Variants in DNAH8 observed in about 807,000 individuals in gnomAD.
The protein encoded by DNAH8 is axonemal beta dynein heavy chain 8.
DNAH8 carries 382 observed loss-of-function variants against 562.1 expected under a neutral mutation model. That is an observed-to-expected ratio of 0.68 (90% CI 0.63 to 0.74). The LOEUF is 0.74. DNAH8 is among the 30% of genes least tolerant of loss of function. The probability of loss-of-function intolerance (pLI) is 0.00; values close to 1 mark genes in which losing one functional copy is unlikely to be tolerated. For synonymous variants in DNAH8, 1,881 were observed against 1,919.4 expected (o/e 0.98, Z 0.52); for missense variants, 5,203 against 5,620.4 (o/e 0.93, Z 2.37).
intron 82 of DNAH8, among the ~76,000 whole-genome samples, chr6:38,959,202 C>G (rs145444838): frequency 6.6e-6 from 1 of 152,110 alleles, no homozygotes. Context: ...AAAGCTTTTC[C>G]TCTAAAATTA....
chr6:38,770,421 T>C lies in DNAH8; in HGVS notation c.1626T>C (p.Ile542=), dbSNP rs768762644. 1 of 1,579,094 alleles carries C rather than the reference T, an allele frequency of 6.3e-7. No individual in the cohort carries two copies. The highest frequency in any genetic ancestry group is 1.9e-5 in the Admixed American group (1 of 53,054). The change falls in exon 12 of 93, where the codon ATT becomes ATC. Residue 542 remains isoleucine, a synonymous_variant. Transcript: ENST00000327475. ...PVVLKKIQDC[I]FLFKEYQASF... ...TTTTACTTTTCTCATAGGACTGCATTTTTCTATTCAAGGAATATCAGGCAT... is the reference window on the plus strand; with the variant it reads ...TTTTACTTTTCTCATAGGACTGCATCTTTCTATTCAAGGAATATCAGGCAT...
chr6:38,944,792 T>A (rs1431993189), intron 79 of DNAH8, among the ~76,000 whole-genome samples: 2 of 152,178 alleles, frequency 1.3e-5, no homozygotes, highest in Admixed American at 6.5e-5. Flanking sequence ...TGGAGGGCGC[T>A]CAATAAATAT....
chr6:38,815,396 T>G, intron 25 of DNAH8, 72 bp from the exon 26 acceptor site: 20 of 1,239,396 alleles, frequency 1.6e-5, no homozygotes, highest in Non-Finnish European at 2.1e-5. Context: ...CAGTGGGGAA[T>G]GGAGGTGGTG....
Position 38,723,455 on chromosome 6 carries a change from T to C in DNAH8, c.509T>C (p.Ile170Thr). The change falls in exon 3 of 93, where the codon ATT becomes ACT. Residue 170 changes from isoleucine to threonine, a missense_variant. Transcript: ENST00000327475. The part of the protein sequence containing the change: ...GLDIVTVEEL[I>T]LDCPSLEAFT... Reference sequence around the variant, plus strand: ...GACATAGTAACTGTTGAAGAATTAATTTTGGATTGCCCATCTGTAAGTTTA... The same window carrying C: ...GACATAGTAACTGTTGAAGAATTAACTTTGGATTGCCCATCTGTAAGTTTA... 1.2e-6 allele frequency: 2 copies of C among 1,607,106 alleles called. No individual in the cohort carries two copies. The highest frequency in any genetic ancestry group is 8.5e-7 in the Non-Finnish European group (1 of 1,178,690).
chr6:38,823,449 C>T, intron 27 of DNAH8, 113 bp from the exon 28 acceptor site: 1 of 754,100 alleles, frequency 1.3e-6, no homozygotes, highest in East Asian at 2.5e-5. Context: ...CAGCCACTGG[C>T]CCCATTGCAC....
chr6:38,881,793 C>T (rs1187892532), intron 53 of DNAH8, among the ~76,000 whole-genome samples: 1 of 152,128 alleles, frequency 6.6e-6, no homozygotes, highest in Non-Finnish European at 1.5e-5. Flanking sequence ...TCAGCTGATC[C>T]ACCCACCTCA....
intron 12 of DNAH8, among the ~76,000 whole-genome samples, chr6:38,772,924 G>A (rs1334235147): frequency 6.7e-6 from 1 of 148,768 alleles, no homozygotes; most frequent in Non-Finnish European, 1.5e-5. Context: ...TCAGCCTTCT[G>A]AGTAGCTGGG....
At chr6:38,828,709 A>G (rs753699326) in intron 30 of DNAH8, among the ~76,000 whole-genome samples, 1 of 152,216 alleles carries the variant, frequency 6.6e-6, no homozygotes, top group African/African-American at 2.4e-5. Context: ...GTGAGACTGT[A>G]AATTATTTTA....
chr6:38,831,908 AT>A (rs35886137), intron 30 of DNAH8, among the ~76,000 whole-genome samples: 32,109 of 151,436 alleles, frequency 0.21, 4,264 homozygotes, highest in African/African-American at 0.37. Context: ...GGTATTTGCT[AT>A]TTTTTTTTAA....
rs561874098 is a variant in DNAH8 at position 38,824,897 on chromosome 6, G to A, written c.3847+1209G>A. Among the ~76,000 whole-genome samples the A allele has an allele frequency of 5.3e-5, 8 of 152,194 alleles. No individual in the cohort carries two copies. The South Asian group carries it at 1.7e-3, about 32-fold the overall frequency. ...AGTACTTAAGGGGGACTATTTACCT[G>A]GAAATCAGAAACTATGCATCAGTGG... On this transcript the variant is annotated intron_variant, in intron 28 of 92. Coordinates refer to ENST00000327475, the MANE Select transcript of DNAH8 (RefSeq NM_001206927.2).
intron 36 of DNAH8, among the ~76,000 whole-genome samples, chr6:38,846,503 G>T (rs1035273612): frequency 6.6e-6 from 1 of 152,158 alleles, no homozygotes; most frequent in Non-Finnish European, 1.5e-5. Flanking sequence ...TGGGATCACT[G>T]GTTAGTGAGT....
intron 17 of DNAH8, among the ~76,000 whole-genome samples, chr6:38,784,575 A>G (rs1768962306): frequency 6.6e-6 from 1 of 152,172 alleles, no homozygotes; most frequent in Non-Finnish European, 1.5e-5. Flanking sequence ...TACACCTTCC[A>G]AGGTTACCCT....
chr6:39,022,609 G>A (rs1241661981), intron 91 of DNAH8, among the ~76,000 whole-genome samples: 2 of 152,234 alleles, frequency 1.3e-5, no homozygotes, highest in African/African-American at 2.4e-5. Flanking sequence ...TGTCCCACCT[G>A]GGGGTGCCCT....
At chr6:38,806,792 A>G (rs971447783) in intron 23 of DNAH8, among the ~76,000 whole-genome samples, 2 of 76,392 alleles carry the variant, frequency 2.6e-5, no homozygotes, top group South Asian at 4.5e-4. Flanking sequence ...AAAAAAAAAT[A>G]ATAATAATAA....
At chr6:38,916,784 G>C (rs1467810012) in intron 68 of DNAH8, among the ~76,000 whole-genome samples, 1 of 152,112 alleles carries the variant, frequency 6.6e-6, no homozygotes, top group African/African-American at 2.4e-5. Flanking sequence ...GTTTTTATGA[G>C]CCATATATTA....
At chr6:38,766,384 A>G (rs917369772) in intron 11 of DNAH8, among the ~76,000 whole-genome samples, 3 of 152,214 alleles carry the variant, frequency 2.0e-5, no homozygotes, top group Admixed American at 6.5e-5. Context: ...GAGGGATGGC[A>G]CAATGACGAG....
At chr6:38,983,473 T>C (rs1171524198) in intron 86 of DNAH8, among the ~76,000 whole-genome samples, 4 of 152,256 alleles carry the variant, frequency 2.6e-5, no homozygotes, top group Non-Finnish European at 4.4e-5. Flanking sequence ...GTTCATATTC[T>C]GTGGTCATTT....
chr6:38,883,214 T>C, intron 54 of DNAH8, 108 bp from the exon 55 acceptor site: 1 of 1,375,276 alleles, frequency 7.3e-7, no homozygotes, highest in Non-Finnish European at 9.8e-7. Context: ...TAAAAAGTTA[T>C]TAAAAATTAG....
At chr6:38,904,706 C>T (rs1473641162) in intron 62 of DNAH8, among the ~76,000 whole-genome samples, 2 of 148,734 alleles carry the variant, frequency 1.3e-5, no homozygotes, top group South Asian at 2.1e-4. Context: ...GCAGGAGAAT[C>T]GCTTGTACCC....
Sources: allele counts gnomAD v4.1 joint callset (sites outside exome capture counted in the v4.1 genomes callset), GRCh38; gene constraint gnomAD v4.1.1; transcripts MANE v1.5; gene names NCBI Gene and HGNC (gene_info 2026-07-23, HGNC 2026-07-21).